WDR44: variants seen among roughly 807,000 people sequenced by gnomAD.
WDR44 encodes WD repeat domain 44.
Under a neutral mutation model 65.7 loss-of-function variants are expected in WDR44, and 9 were observed. The ratio of observed to expected loss-of-function variants is 0.14; its 90% CI spans 0.08 to 0.24. WDR44 has a LOEUF of 0.24. WDR44 is among the 10% of genes least tolerant of loss of function. The probability of loss-of-function intolerance (pLI) is 1.00; values close to 1 mark genes in which losing one functional copy is unlikely to be tolerated. For missense variants in WDR44, 425 were observed against 670.9 expected, an observed-to-expected ratio of 0.63 and a Z score of 4.05; for synonymous variants, 220 against 235.2, an observed-to-expected ratio of 0.94 and a Z score of 0.59.
intron 1 of WDR44, among the ~76,000 whole-genome samples, chrX:118,353,924 G>A (rs1233526817): frequency 8.9e-6 from 1 of 112,200 alleles, no homozygotes; most frequent in Admixed American, 9.5e-5. Context: ...TTTAATTTGA[G>A]AAAACTGTTT....
chrX:118,393,067 G>A lies in WDR44; in HGVS notation c.622G>A (p.Glu208Lys), dbSNP rs1295163832. 8.3e-7 allele frequency: 1 copy of A among 1,210,328 alleles called. No homozygotes were observed. The highest frequency in any genetic ancestry group is 1.1e-6 in the Non-Finnish European group (1 of 895,353). ...LSTKDFAAVEEVAPAKPPRHL... is the reference protein window; with the variant it reads ...LSTKDFAAVEKVAPAKPPRHL... ...TACTAAAGATTTTGCCGCTGTGGAAGAAGTGGCCCCTGCCAAACCCCCAAG... is the reference window on the plus strand; with the variant it reads ...TACTAAAGATTTTGCCGCTGTGGAAAAAGTGGCCCCTGCCAAACCCCCAAG... The change falls in exon 4 of 20, where the codon GAA becomes AAA. Residue 208 changes from glutamate (E) to lysine (K), a missense_variant. This residue lies in a region of WDR44 where 193 missense variants were observed against 209.0 expected (regional missense o/e 0.92). Transcript: ENST00000254029.
chrX:118,399,933 T>A (rs2056897016), intron 8 of WDR44, among the ~76,000 whole-genome samples: 2 of 110,786 alleles, frequency 1.8e-5, no homozygotes, highest in Non-Finnish European at 3.8e-5. Context: ...CAAAAAATTT[T>A]AAAAATTAGC....
intron 12 of WDR44, among the ~76,000 whole-genome samples, chrX:118,424,339 A>ATATATATATATATATATATATATATG (rs762485693): frequency 9.4e-5 from 8 of 85,280 alleles, no homozygotes; most frequent in African/African-American, 4.2e-4. Flanking sequence ...ATATATATAT[A>ATATATATATATATATATATATATATG]TATATATATG....
chrX:118,441,063 G>A (rs1456836904), intron 14 of WDR44, among the ~76,000 whole-genome samples: 7 of 99,511 alleles, frequency 7.0e-5, no homozygotes, highest in African/African-American at 1.9e-4. Context: ...GGGTTCAAGC[G>A]ATTCTCCTGC....
chrX:118,446,951 C>T (rs761920794), intron 19 of WDR44: 19 of 247,291 alleles, frequency 7.7e-5, no homozygotes, highest in East Asian at 2.4e-4. Context: ...CTCACTGCAA[C>T]GTTGAACTCC....
chrX:118,395,199 T>G (rs1255558461), intron 5 of WDR44, 50 bp from the exon 6 acceptor site: 2 of 1,074,498 alleles, frequency 1.9e-6, no homozygotes, highest in Non-Finnish European at 2.5e-6. Flanking sequence ...AATTGAAAAT[T>G]TATAGAAATT....
chrX:118,422,560 C>T (rs1204302736), intron 12 of WDR44, among the ~76,000 whole-genome samples: 2 of 110,269 alleles, frequency 1.8e-5, no homozygotes, highest in African/African-American at 6.6e-5. Flanking sequence ...GGCATGGTGG[C>T]ATGTGCCTAT....
At chrX:118,413,334 A>G (rs184952188) in intron 12 of WDR44, among the ~76,000 whole-genome samples, 20 of 112,076 alleles carry the variant, frequency 1.8e-4, no homozygotes, top group African/African-American at 6.1e-4. Flanking sequence ...TTCCCTGATC[A>G]CCACATCCAC....
intron 19 of WDR44, among the ~76,000 whole-genome samples, chrX:118,446,632 C>T (rs1385749208): frequency 1.8e-5 from 2 of 111,194 alleles, no homozygotes; most frequent in Non-Finnish European, 1.9e-5. Context: ...CTATCTACTC[C>T]ACTCATGACA....
rs553463371 is a variant in WDR44 at position 118,427,858 on chromosome X, G to A, written c.1738-4923G>A. On this transcript the variant is annotated intron_variant, in intron 12 of 19. Coordinates refer to ENST00000254029, the MANE Select transcript of WDR44 (RefSeq NM_019045.5). ...CCTGGCTAATTTTTTTGTATTTTTA[G>A]TAGAGACGGGGTTTCACCGTGTTAG... Among the ~76,000 whole-genome samples the A allele has an allele frequency of 3.0e-3, 323 of 106,708 alleles. 2 individuals are homozygous for A. Among genetic ancestry groups the A allele is most frequent in the South Asian group, 0.012 (29 of 2,390 alleles). The allele number at this position is 106,708 out of a possible 115,157, so 92.7% of individuals were successfully genotyped here.
intron 2 of WDR44, among the ~76,000 whole-genome samples, chrX:118,383,720 C>CTT (rs531607075): frequency 0.015 from 1,281 of 84,406 alleles, 50 homozygotes; most frequent in Admixed American, 0.041. Context: ...TCCAAGTATT[C>CTT]TTTTTTTTTT....
intron 12 of WDR44, among the ~76,000 whole-genome samples, chrX:118,424,622 G>A (rs188283683): frequency 1.8e-5 from 2 of 109,840 alleles, no homozygotes; most frequent in Non-Finnish European, 3.8e-5. Context: ...TAAACGGTTT[G>A]CAAATATTTT....
chrX:118,443,026 G>T (rs964307496), intron 17 of WDR44, among the ~76,000 whole-genome samples: 35 of 110,853 alleles, frequency 3.2e-4, no homozygotes, highest in African/African-American at 1.2e-3. Flanking sequence ...TCCCCTCCCT[G>T]CCCCATTGTC....
chrX:118,393,353 C>T (rs1003832472), intron 4 of WDR44, 82 bp downstream of exon 4: 5 of 1,043,301 alleles, frequency 4.8e-6, no homozygotes, highest in Admixed American at 2.9e-5. Context: ...GAGGCCAAGG[C>T]GGGCGGATCG....
chrX:118,438,567 G>T (rs1425859425), intron 14 of WDR44, among the ~76,000 whole-genome samples: 1 of 110,417 alleles, frequency 9.1e-6, no homozygotes, highest in African/African-American at 3.3e-5. Context: ...CAGGTAGCTG[G>T]GACTACAGGC....
At chrX:118,348,705 C>A (rs1036749230) in intron 1 of WDR44, among the ~76,000 whole-genome samples, 2 of 111,874 alleles carry the variant, frequency 1.8e-5, no homozygotes, top group African/African-American at 6.5e-5. Context: ...GTGAGGAGAT[C>A]TGGGTGGGCA....
At chrX:118,376,730 G>A (rs1413101933) in intron 1 of WDR44, among the ~76,000 whole-genome samples, 2 of 111,651 alleles carry the variant, frequency 1.8e-5, no homozygotes, top group Admixed American at 1.9e-4. Flanking sequence ...CAGGCTGGGT[G>A]CGGTGGCTCC....
intron 9 of WDR44, 37 bp from the exon 10 acceptor site, chrX:118,406,838 A>G (rs369533373): frequency 3.0e-4 from 337 of 1,131,783 alleles, no homozygotes; most frequent in Non-Finnish European, 3.8e-4. Flanking sequence ...CAATATCTAC[A>G]TTAGCTAGTA....
Position 118,393,050 on chromosome X carries a change from A to G in WDR44, c.605A>G (p.Asp202Gly), listed in dbSNP as rs764990008. 2 of 1,211,752 alleles carry G rather than the reference A, an allele frequency of 1.7e-6. No individual in the cohort carries two copies. Among genetic ancestry groups the G allele is most frequent in the South Asian group, 1.8e-5 (1 of 56,992 alleles). ...PVSSDSLSTKDFAAVEEVAPA... is the reference protein window; with the variant it reads ...PVSSDSLSTKGFAAVEEVAPA... Reference sequence around the variant, plus strand: ...TCCTCAGACTCCTTATCTACTAAAGATTTTGCCGCTGTGGAAGAAGTGGCC... The same window carrying G: ...TCCTCAGACTCCTTATCTACTAAAGGTTTTGCCGCTGTGGAAGAAGTGGCC... Residue 202 changes from aspartate (D) to glycine (G), a missense_variant, in exon 4 of 20, where the codon GAT becomes GGT. Transcript: ENST00000254029.
Sources: gnomAD v4.1 joint callset for allele counts (sites outside exome capture counted in the v4.1 genomes callset) on GRCh38, gnomAD v4.1.1 for gene constraint, gnomAD v4.1.1 regional missense constraint, MANE v1.5 for transcripts, NCBI Gene and HGNC (gene_info 2026-07-23, HGNC 2026-07-21) for gene names.